Variants in GORASP2 observed in about 807,000 individuals in gnomAD.
The protein encoded by GORASP2 is Golgi reassembly-stacking protein 2.
A neutral mutation model predicts 45.7 loss-of-function variants in GORASP2; 22 were observed. The observed-to-expected ratio is 0.48, with a 90% CI of 0.34 to 0.69. GORASP2 has a LOEUF of 0.69. GORASP2 is among the 30% of genes least tolerant of loss of function. The pLI, the probability that GORASP2 is intolerant of heterozygous loss-of-function variation, is 0.01. For synonymous variants in GORASP2, 221 were observed against 215.6 expected (o/e 1.02, Z -0.22); for missense variants, 491 against 562.7 (o/e 0.87, Z 1.29).
intron 7 of GORASP2, among the ~76,000 whole-genome samples, chr2:170,961,206 T>C (rs2105328833): frequency 6.6e-6 from 1 of 152,358 alleles, no homozygotes; most frequent in Non-Finnish European, 1.5e-5. Flanking sequence ...TTTCAGGCCA[T>C]CTATGTCATT....
chr2:170,949,200 A>C (rs1704242112), intron 2 of GORASP2, among the ~76,000 whole-genome samples: 1 of 152,238 alleles, frequency 6.6e-6, no homozygotes, highest in South Asian at 2.1e-4. Context: ...TTAGATTTTT[A>C]TAATCAAAGT....
rs775189495 is a variant in GORASP2 at position 170,965,957 on chromosome 2, G to C, written c.1186G>C (p.Asp396His). ...CCCGCCCACCAGCAACGCACCCTCC[G>C]ACCCTGCCACAACTACTGCAAAGGC... ...SLPPTSNAPS[D>H]PATTTAKADA... Residue 396 changes from aspartate (D) to histidine (H), a missense_variant, in exon 10 of 10, where the codon GAC (aspartate) becomes CAC (histidine). Asp to His is a moderately conservative substitution (Grantham distance 81). Coordinates refer to ENST00000234160, the MANE Select transcript of GORASP2 (RefSeq NM_015530.5). 3.0e-5 allele frequency: 48 copies of C among 1,613,754 alleles called. No homozygotes were observed. Among genetic ancestry groups the C allele is most frequent in the Non-Finnish European group, 3.8e-5 (45 of 1,179,972 alleles).
chr2:170,945,918 T>C (rs1403951542), intron 1 of GORASP2, among the ~76,000 whole-genome samples: 1 of 152,242 alleles, frequency 6.6e-6, no homozygotes, highest in Non-Finnish European at 1.5e-5. Context: ...GCTGCTGTTA[T>C]TTGCAAAACT....
intron 8 of GORASP2, among the ~76,000 whole-genome samples, chr2:170,962,476 A>T (rs1053301310): frequency 1.3e-5 from 2 of 152,220 alleles, no homozygotes; most frequent in Non-Finnish European, 2.9e-5. Flanking sequence ...AGAGACTGTA[A>T]ACCTCAACCA....
At chr2:170,958,026 T>C (rs1441105028) in intron 7 of GORASP2, among the ~76,000 whole-genome samples, 2 of 152,190 alleles carry the variant, frequency 1.3e-5, no homozygotes, top group Admixed American at 6.5e-5. Context: ...TATCCCACTT[T>C]GTTCTGTAAT....
chr2:170,933,653 TG>T (rs1703878268), intron 1 of GORASP2, among the ~76,000 whole-genome samples: 1 of 152,158 alleles, frequency 6.6e-6, no homozygotes, highest in African/African-American at 2.4e-5. Flanking sequence ...ACCTCACAGA[TG>T]CCTATTATAG....
chr2:170,934,624 A>G (rs1703904616), intron 1 of GORASP2, among the ~76,000 whole-genome samples: 1 of 152,170 alleles, frequency 6.6e-6, no homozygotes, highest in African/African-American at 2.4e-5. Context: ...ACAATGGGTA[A>G]AAAGAAAACA....
chr2:170,955,873 G>A (rs1444083063), intron 6 of GORASP2, among the ~76,000 whole-genome samples: 1 of 152,242 alleles, frequency 6.6e-6, no homozygotes, highest in East Asian at 1.9e-4. Context: ...ATTCAGAAAT[G>A]AAACCACCCA....
In GORASP2 at chr2:170,951,835, G is replaced by A. The variant is rs967267085; in HGVS notation, c.566+377G>A. Among the ~76,000 whole-genome samples, 9 of 152,304 alleles carry A rather than the reference G, an allele frequency of 5.9e-5. No homozygotes were observed. The East Asian group carries it at 7.7e-4, about 13-fold the overall frequency. On this transcript the variant is annotated intron_variant, in intron 5 of 9. Transcript: ENST00000234160. ...GTTGCTGCAGGCAGGAAAAGCTTCC[G>A]TTTGCTCACAGTATCTTTACCCACA...
At chr2:170,951,911 T>A (rs1418404078) in intron 5 of GORASP2, among the ~76,000 whole-genome samples, 2 of 152,208 alleles carry the variant, frequency 1.3e-5, no homozygotes, top group African/African-American at 2.4e-5. Flanking sequence ...TCTAACTTGT[T>A]GCAGTTTGAG....
intron 1 of GORASP2, chr2:170,929,749 G>C (rs1233010985): frequency 1.9e-6 from 1 of 517,330 alleles, no homozygotes; most frequent in South Asian, 1.5e-5. Flanking sequence ...AGCTTCCAAA[G>C]TTAGGAAGGG....
chr2:170,965,767 G>C, intron 9 of GORASP2, 23 bp from the exon 10 acceptor site: 1 of 1,533,152 alleles, frequency 6.5e-7, no homozygotes, highest in Non-Finnish European at 9.0e-7. Context: ...GAGGATGTAT[G>C]ATCTATGCCG....
At position 170,965,956 on chromosome 2, in the gene GORASP2, C is replaced by G. The variant is rs4668356; in HGVS notation, c.1185C>G (p.Ser395=). The G allele has an allele frequency of 3.1e-3, 4,973 of 1,613,882 alleles. 12 individuals carry two copies. Among genetic ancestry groups the G allele is most frequent in the Non-Finnish European group, 3.9e-3 (4,545 of 1,180,020 alleles). ...TCCCGCCCACCAGCAACGCACCCTC[C>G]GACCCTGCCACAACTACTGCAAAGG... The part of the protein sequence containing the change: ...SSLPPTSNAP[S]DPATTTAKAD... The change falls in exon 10 of 10, where the codon TCC becomes TCG. Residue 395 remains serine (S), a synonymous_variant. Coordinates refer to ENST00000234160, the MANE Select transcript of GORASP2 (RefSeq NM_015530.5).
At chr2:170,946,629 A>C (rs1005693851) in intron 1 of GORASP2, among the ~76,000 whole-genome samples, 2 of 152,054 alleles carry the variant, frequency 1.3e-5, no homozygotes, top group Non-Finnish European at 2.9e-5. Context: ...TGTTAGACTA[A>C]TAGTTTCAAG....
chr2:170,944,229 C>T (rs1461596906), intron 1 of GORASP2, among the ~76,000 whole-genome samples: 2 of 152,136 alleles, frequency 1.3e-5, no homozygotes, highest in Admixed American at 1.3e-4. Flanking sequence ...GAGAAACTTA[C>T]CTGTGTCAGT....
chr2:170,940,627 C>CA (rs770774044), intron 1 of GORASP2, among the ~76,000 whole-genome samples: 3 of 148,912 alleles, frequency 2.0e-5, no homozygotes, highest in Non-Finnish European at 4.4e-5. Flanking sequence ...AGGGAAAAGT[C>CA]AAGAAGTGAA....
chr2:170,934,142 T>C (rs1334879764), intron 1 of GORASP2, among the ~76,000 whole-genome samples: 1 of 152,316 alleles, frequency 6.6e-6, no homozygotes. Flanking sequence ...GTGATGGGAT[T>C]TCAATTTAGT....
intron 7 of GORASP2, among the ~76,000 whole-genome samples, chr2:170,958,891 A>G (rs1704489280): frequency 6.6e-6 from 1 of 152,106 alleles, no homozygotes; most frequent in African/African-American, 2.4e-5. Flanking sequence ...GCTGGTCTCA[A>G]ACTCCTGACC....
chr2:170,932,059 C>T (rs1016170688), intron 1 of GORASP2, among the ~76,000 whole-genome samples: 28 of 152,172 alleles, frequency 1.8e-4, no homozygotes, highest in Admixed American at 9.2e-4. Flanking sequence ...AACCCCATCT[C>T]TATTAAAAAT....
Sources: gnomAD v4.1 joint callset for allele counts (sites outside exome capture counted in the v4.1 genomes callset) on GRCh38, gnomAD v4.1.1 for gene constraint, MANE v1.5 for transcripts, NCBI Gene and HGNC (gene_info 2026-07-23, HGNC 2026-07-21) for gene names.